ABLIM1: variants seen among roughly 807,000 people sequenced by gnomAD.
ABLIM1 encodes the protein actin-binding LIM protein 1.
Under a neutral mutation model 107.0 loss-of-function variants are expected in ABLIM1, and 40 were observed. The observed-to-expected ratio is 0.37, with a 90% CI of 0.29 to 0.49. ABLIM1 has a LOEUF of 0.49. Ranked by LOEUF, ABLIM1 falls within the 20% of genes least tolerant of loss-of-function variation. The pLI is 0.97. For synonymous variants in ABLIM1, 357 were observed against 357.3 expected, an observed-to-expected ratio of 1.00 and a Z score of 0.01; for missense variants, 857 against 1,008.5, an observed-to-expected ratio of 0.85 and a Z score of 2.04.
chr10:114,488,226 G>C (rs2058460518), intron 7 of ABLIM1, among the ~76,000 whole-genome samples: 1 of 152,002 alleles, frequency 6.6e-6, no homozygotes, highest in African/African-American at 2.4e-5. Flanking sequence ...GTTTGATAAA[G>C]GTCATAATTC....
rs761153222 is a variant in ABLIM1, at chr10:114,431,919, G to A, written c.*4341C>T. The A allele has an allele frequency of 3.3e-5, 5 of 152,070 alleles. No homozygotes were observed. Among genetic ancestry groups the A allele is most frequent in the Non-Finnish European group, 7.4e-5 (5 of 68,004 alleles). The allele number at this position is 152,070 out of a possible 1,614,324, so 9.4% of individuals were successfully genotyped here. The stretch of plus-strand genomic sequence containing the variant: ...CAAATAAAAACATAACAATCCATAT[G>A]CAAAGCATATCTGCCACCACCTCCC... On this transcript the variant is annotated 3_prime_UTR_variant, in exon 23 of 23. Coordinates refer to ENST00000533213, the MANE Select transcript of ABLIM1 (RefSeq NM_002313.7).
intron 6 of ABLIM1, chr10:114,501,951 T>A (rs2060486738): frequency 6.6e-6 from 1 of 152,230 alleles, no homozygotes; most frequent in African/African-American, 2.4e-5. Flanking sequence ...TCATATGGAA[T>A]AGTTTCACTG....
chr10:114,444,846 A>G (rs1407278), intron 16 of ABLIM1, among the ~76,000 whole-genome samples: 145,508 of 152,260 alleles, frequency 0.96, 69,590 homozygotes, highest in East Asian at 1. Flanking sequence ...CATGGTGGCC[A>G]TTCCTTTCAT....
upstream of ABLIM1, among the ~76,000 whole-genome samples, chr10:114,660,479 GA>G (rs61010307): frequency 0.2 from 19,262 of 95,440 alleles, 1,901 homozygotes; most frequent in East Asian, 0.61. Flanking sequence ...AATACAACTG[GA>G]AAAAAAAAAA....
At chr10:114,769,386 CAAGAAAGAAAGAA>C (rs2082979817), upstream of ABLIM1, among the ~76,000 whole-genome samples, 1 of 97,940 alleles carries the variant, frequency 1.0e-5, no homozygotes, top group Non-Finnish European at 2.1e-5. Flanking sequence ...AAGAGACAGA[CAAGAAAGAAAGAA>C]AAGAAAGAAA....
At chr10:114,550,386 T>TA (rs67060352) in intron 4 of ABLIM1, among the ~76,000 whole-genome samples, 3 of 151,610 alleles carry the variant, frequency 2.0e-5, no homozygotes, top group East Asian at 1.9e-4. Flanking sequence ...TAGTTTTTTT[T>TA]AAAAAAAAGA....
chr10:114,636,844 C>G (rs577052865), intron 1 of ABLIM1, among the ~76,000 whole-genome samples: 7 of 151,898 alleles, frequency 4.6e-5, no homozygotes, highest in Non-Finnish European at 1.0e-4. Context: ...ACCAGCCTGG[C>G]CAACACGGTG....
chr10:114,544,084 A>T (rs552319309), intron 6 of ABLIM1, among the ~76,000 whole-genome samples: 5 of 152,262 alleles, frequency 3.3e-5, no homozygotes, highest in African/African-American at 1.2e-4. Flanking sequence ...GGGGCCTCAG[A>T]TCTGTGTCTG....
intron 12 of ABLIM1, chr10:114,465,426 TA>T: frequency 3.9e-6 from 1 of 255,998 alleles, no homozygotes; most frequent in Non-Finnish European, 7.2e-6. Context: ...TTGTTAATCG[TA>T]AAAAAATTTT....
intron 1 of ABLIM1, among the ~76,000 whole-genome samples, chr10:114,692,876 C>A (rs962037269): frequency 2.0e-5 from 3 of 152,130 alleles, no homozygotes; most frequent in Non-Finnish European, 4.4e-5. Flanking sequence ...GGCAACAGAG[C>A]AAGACTCCAT....
At chr10:114,686,036 A>C (rs896239318), upstream of ABLIM1, among the ~76,000 whole-genome samples, 5 of 152,234 alleles carry the variant, frequency 3.3e-5, no homozygotes, top group African/African-American at 1.2e-4. Flanking sequence ...AATAACCTGC[A>C]TTGCATTGGT....
intron 4 of ABLIM1, among the ~76,000 whole-genome samples, chr10:114,562,696 G>A (rs2069934020): frequency 6.6e-6 from 1 of 152,158 alleles, no homozygotes; most frequent in South Asian, 2.1e-4. Flanking sequence ...CATGCAAACT[G>A]CATCTTCATT....
At chr10:114,633,706 A>C (rs1333891368) in intron 1 of ABLIM1, among the ~76,000 whole-genome samples, 2 of 152,182 alleles carry the variant, frequency 1.3e-5, no homozygotes, top group Non-Finnish European at 2.9e-5. Flanking sequence ...GGCAGAGTTC[A>C]AGAGCATCCA....
chr10:114,503,255 G>T (rs946785309), intron 6 of ABLIM1, among the ~76,000 whole-genome samples: 1 of 152,048 alleles, frequency 6.6e-6, no homozygotes, highest in African/African-American at 2.4e-5. Context: ...GTTCAAGACT[G>T]GCCTGGGTAA....
At chr10:114,477,532 A>G (rs1327526266) in intron 8 of ABLIM1, among the ~76,000 whole-genome samples, 1 of 152,190 alleles carries the variant, frequency 6.6e-6, no homozygotes. Flanking sequence ...CCTTTGCTGT[A>G]ATGATGCACC....
At chr10:114,641,590 A>G (rs958397284) in intron 1 of ABLIM1, among the ~76,000 whole-genome samples, 2 of 152,212 alleles carry the variant, frequency 1.3e-5, no homozygotes, top group Admixed American at 1.3e-4. Context: ...TAGGGGGAGA[A>G]GCTGTGGTTT....
chr10:114,681,845 C>A (rs975888371), intron 1 of ABLIM1, among the ~76,000 whole-genome samples: 1 of 152,214 alleles, frequency 6.6e-6, no homozygotes, highest in African/African-American at 2.4e-5. Context: ...CCTGCTCCCA[C>A]TCCTGGGGCA....
At chr10:114,440,875 G>C in intron 19 of ABLIM1, 142 bp downstream of exon 19, 1 of 820,378 alleles carries the variant, frequency 1.2e-6, no homozygotes, top group African/African-American at 1.7e-5. Flanking sequence ...GTAAATAATT[G>C]CCCTATTAGC....
intron 4 of ABLIM1, among the ~76,000 whole-genome samples, chr10:114,554,390 T>TATGTAATCTA (rs1440255624): frequency 6.6e-6 from 1 of 152,178 alleles, no homozygotes; most frequent in Non-Finnish European, 1.5e-5. Context: ...ACAAGAAAGC[T>TATGTAATCTA]ATGTAATCTA....
Sources: allele counts gnomAD v4.1 joint callset (sites outside exome capture counted in the v4.1 genomes callset), GRCh38; gene constraint gnomAD v4.1.1; transcripts MANE v1.5; gene names NCBI Gene and HGNC (gene_info 2026-07-23, HGNC 2026-07-21).